Variants in FAM3B observed in about 807,000 individuals in gnomAD.
FAM3B encodes the protein FAM3 metabolism regulating signaling molecule B.
FAM3B carries 29 observed loss-of-function variants against 28.4 expected under a neutral mutation model. The ratio of observed to expected loss-of-function variants is 1.02; its 90% CI spans 0.76 to 1.39. The LOEUF (loss-of-function observed/expected upper bound fraction) is 1.39. Among genes scored for constraint, FAM3B ranks in the 40% most tolerant of loss-of-function variants. FAM3B has a pLI of 0.00. For synonymous variants in FAM3B, 91 were observed against 103.0 expected, an observed-to-expected ratio of 0.88 and a Z score of 0.71; for missense variants, 266 against 293.9, an observed-to-expected ratio of 0.91 and a Z score of 0.69.
At chr21:41,348,138 T>C (rs2089081122) in intron 6 of FAM3B, among the ~76,000 whole-genome samples, 1 of 152,220 alleles carries the variant, frequency 6.6e-6, no homozygotes, top group Non-Finnish European at 1.5e-5. Context: ...GGCAGTATTG[T>C]TTTACATTTC....
intron 7 of FAM3B, among the ~76,000 whole-genome samples, chr21:41,352,999 C>T (rs2089135415): frequency 6.6e-6 from 1 of 152,046 alleles, no homozygotes; most frequent in Admixed American, 6.6e-5. Flanking sequence ...TGGAAAAACT[C>T]AATTATACTT....
intron 1 of FAM3B, among the ~76,000 whole-genome samples, chr21:41,319,268 C>A (rs1455102233): frequency 6.6e-6 from 1 of 152,112 alleles, no homozygotes; most frequent in African/African-American, 2.4e-5. Context: ...TTGGCTGGGA[C>A]ATGTGTACAT....
intron 7 of FAM3B, among the ~76,000 whole-genome samples, chr21:41,351,662 AGGG>A (rs1343394254): frequency 6.6e-6 from 1 of 152,190 alleles, no homozygotes; most frequent in Non-Finnish European, 1.5e-5. Context: ...CTGAGTCCTC[AGGG>A]GTCTCCCCAG....
intron 3 of FAM3B, 30 bp from the exon 4 acceptor site, chr21:41,344,446 G>T: frequency 6.2e-7 from 1 of 1,610,100 alleles, no homozygotes; most frequent in African/African-American, 1.3e-5. Flanking sequence ...ACGCCTCTTG[G>T]TACTTGACTA....
At position 41,357,340 on chromosome 21, in the gene FAM3B, A is replaced by G. The variant is rs2089176332; in HGVS notation, c.*143A>G. On this transcript the variant is annotated 3_prime_UTR_variant, in exon 8 of 8. Coordinates refer to ENST00000357985, the MANE Select transcript of FAM3B (RefSeq NM_058186.4). ...AAACCAATGAACATTTGCTAGTTGT[A>G]TCAAATCTTGGTACGCAGTATTTTT... 2.2e-6 allele frequency: 1 copy of G among 452,152 alleles called. No individual in the cohort carries two copies. The highest frequency in any genetic ancestry group is 2.0e-5 in the African/African-American group (1 of 49,294). 28.0% of individuals were successfully genotyped at this position (452,152 alleles called of 1,614,324 possible). A position where few individuals can be genotyped will look rare whatever the true frequency, so the allele number is the denominator to read the frequency against.
chr21:41,348,798 T>C, intron 7 of FAM3B, 74 bp downstream of exon 7: 1 of 1,554,076 alleles, frequency 6.4e-7, no homozygotes, highest in Non-Finnish European at 8.9e-7. Context: ...ACGTTCCTGG[T>C]GGGTTATAAC....
At position 41,347,046 on chromosome 21, in the gene FAM3B, G is replaced by A. The variant is rs1442293237; in HGVS notation, c.431G>A (p.Ser144Asn). 1.2e-6 allele frequency: 2 copies of A among 1,614,066 alleles called. No homozygotes were observed. The highest frequency in any genetic ancestry group is 3.3e-5 in the Admixed American group (2 of 60,002). ...GGACCGATGACAAAGTTTATTCAGA[G>A]TGCTGCTCCAAAATCCCTGCTCTTC... ...NSGPMTKFIQ[S>N]AAPKSLLFMV... is the part of the protein sequence containing the mutation. The change falls in exon 6 of 8, where the codon AGT becomes AAT. Residue 144 changes from serine to asparagine, a missense_variant. By Grantham distance (46) the Ser-to-Asn change is conservative. Transcript: ENST00000357985.
chr21:41,311,476 A>C (rs1408662212), intron 1 of FAM3B, among the ~76,000 whole-genome samples: 2 of 150,914 alleles, frequency 1.3e-5, no homozygotes, highest in East Asian at 3.9e-4. Context: ...AAAAAAATTA[A>C]AAATGACAAA....
chr21:41,352,910 A>G (rs1332699585), intron 7 of FAM3B, among the ~76,000 whole-genome samples: 1 of 152,218 alleles, frequency 6.6e-6, no homozygotes, highest in African/African-American at 2.4e-5. Context: ...CACCAACTTA[A>G]TGGAAATCCT....
At chr21:41,348,148 C>A (rs1310247708) in intron 6 of FAM3B, among the ~76,000 whole-genome samples, 2 of 152,122 alleles carry the variant, frequency 1.3e-5, no homozygotes, top group African/African-American at 4.8e-5. Context: ...TTTTACATTT[C>A]TTTTTCCTTT....
intron 2 of FAM3B, among the ~76,000 whole-genome samples, chr21:41,323,972 A>T (rs900252158): frequency 1.3e-5 from 2 of 152,172 alleles, no homozygotes; most frequent in African/African-American, 4.8e-5. Context: ...GTACCCGCAG[A>T]TTTCATGTCT....
At chr21:41,337,240 G>A (rs898494362) in intron 2 of FAM3B, among the ~76,000 whole-genome samples, 3 of 152,252 alleles carry the variant, frequency 2.0e-5, no homozygotes, top group Non-Finnish European at 4.4e-5. Flanking sequence ...GAGTGAGAGA[G>A]TGCTTTCTGA....
upstream of FAM3B, among the ~76,000 whole-genome samples, chr21:41,313,873 T>A (rs1188554533): frequency 1.3e-5 from 2 of 152,216 alleles, no homozygotes. Flanking sequence ...TCCATTTTCC[T>A]GTAGATGGAA....
At chr21:41,345,875 G>A (rs1268140216) in intron 5 of FAM3B, 139 bp downstream of exon 5, 1 of 648,022 alleles carries the variant, frequency 1.5e-6, no homozygotes, top group South Asian at 1.7e-5. Context: ...ATCTAGAGTG[G>A]TCTTATGTAG....
chr21:41,327,644 T>C (rs1274776233), intron 2 of FAM3B, among the ~76,000 whole-genome samples: 2 of 152,254 alleles, frequency 1.3e-5, no homozygotes, highest in East Asian at 1.9e-4. Flanking sequence ...TGTGATTAAT[T>C]TCTAGTTTCA....
chr21:41,352,275 C>T (rs2145834150), intron 7 of FAM3B, among the ~76,000 whole-genome samples: 1 of 152,294 alleles, frequency 6.6e-6, no homozygotes, highest in Middle Eastern at 3.4e-3. Context: ...CACATGTGGA[C>T]CTCTGCACAT....
upstream of FAM3B, among the ~76,000 whole-genome samples, chr21:41,314,469 A>G (rs766168671): frequency 7.9e-5 from 12 of 152,236 alleles, no homozygotes; most frequent in Non-Finnish European, 1.8e-4. Flanking sequence ...AGGTAATGTC[A>G]ACATCAAATG....
intron 7 of FAM3B, among the ~76,000 whole-genome samples, chr21:41,349,265 C>G (rs1473639546): frequency 6.6e-6 from 1 of 152,154 alleles, no homozygotes; most frequent in Non-Finnish European, 1.5e-5. Context: ...ACTAAGTCTC[C>G]TGTGAAAATT....
chr21:41,316,651 TCCCGGGCACAGC>T (rs2088750740), upstream of FAM3B: 1 of 379,226 alleles, frequency 2.6e-6, no homozygotes, highest in Non-Finnish European at 4.7e-6. Flanking sequence ...ACCTCAGAGC[TCCCGGGCACAGC>T]CCGGGGCACA....
Sources: gnomAD v4.1 joint callset for allele counts (sites outside exome capture counted in the v4.1 genomes callset) on GRCh38, gnomAD v4.1.1 for gene constraint, MANE v1.5 for transcripts, NCBI Gene and HGNC (gene_info 2026-07-23, HGNC 2026-07-21) for gene names.